Variants in FRMPD4 observed in about 807,000 individuals in gnomAD.
The protein encoded by FRMPD4 is FERM and PDZ domain containing 4, also known as FERM and PDZ domain-containing protein 4.
In FRMPD4, 22 loss-of-function variants were observed where a neutral mutation model predicts 94.1. That is an observed-to-expected ratio of 0.23 (90% CI 0.17 to 0.33). The LOEUF (loss-of-function observed/expected upper bound fraction) is 0.33. FRMPD4 is among the 10% of genes least tolerant of loss of function. The pLI is 1.00. For missense variants in FRMPD4, 1,111 were observed against 1,339.9 expected (o/e 0.83, Z 2.67); for synonymous variants, 631 against 548.6 (o/e 1.15, Z -2.10).
chrX:12,169,955 G>A (rs1341241425), intron 1 of FRMPD4, among the ~76,000 whole-genome samples: 1 of 111,940 alleles, frequency 8.9e-6, no homozygotes, highest in Non-Finnish European at 1.9e-5. Context: ...TTGGCCTGCA[G>A]GCCAATTTGT....
chrX:12,035,744 C>T (rs1174292452), intron 3 of FRMPD4, among the ~76,000 whole-genome samples: 1 of 111,258 alleles, frequency 9.0e-6, no homozygotes, highest in African/African-American at 3.3e-5. Flanking sequence ...CAACAGAGAT[C>T]ATGGGCCCAA....
chrX:11,965,382 A>C (rs896037663), intron 3 of FRMPD4, among the ~76,000 whole-genome samples: 3 of 112,470 alleles, frequency 2.7e-5, no homozygotes, highest in Non-Finnish European at 5.6e-5. Flanking sequence ...TTATTCCCCT[A>C]GAAAGGATTC....
intron 2 of FRMPD4, among the ~76,000 whole-genome samples, chrX:12,553,434 CTATATATATATATATATA>C (rs3066486): frequency 2.5e-4 from 10 of 39,661 alleles, no homozygotes; most frequent in South Asian, 1.6e-3. Flanking sequence ...ATCCATATGC[CTATATATATATATATATA>C]TATATATATA....
intron 1 of FRMPD4, among the ~76,000 whole-genome samples, chrX:12,271,617 C>T (rs892797910): frequency 9.8e-5 from 11 of 112,111 alleles, no homozygotes; most frequent in African/African-American, 1.6e-4. Context: ...ACCTGTGCCA[C>T]GTGAGCTAAA....
intron 3 of FRMPD4, among the ~76,000 whole-genome samples, chrX:12,069,645 A>T (rs752239300): frequency 1.8e-5 from 2 of 111,799 alleles, no homozygotes; most frequent in East Asian, 5.6e-4. Flanking sequence ...AACTCAATCC[A>T]GGAAGCTTGA....
intron 1 of FRMPD4, among the ~76,000 whole-genome samples, chrX:12,388,844 TATATATAC>T (rs1408752534): frequency 2.9e-4 from 25 of 85,621 alleles, no homozygotes; most frequent in African/African-American, 1.1e-3. Context: ...TATATATATA[TATATATAC>T]ACACAATGGA....
chrX:11,877,359 A>G (rs1324273473), intron 2 of FRMPD4, among the ~76,000 whole-genome samples: 1 of 111,950 alleles, frequency 8.9e-6, no homozygotes, highest in Non-Finnish European at 1.9e-5. Flanking sequence ...CAGAGCGCCA[A>G]ATATCCCATC....
At chrX:11,886,465 C>G (rs1167946282) in intron 3 of FRMPD4, among the ~76,000 whole-genome samples, 1 of 111,321 alleles carries the variant, frequency 9.0e-6, no homozygotes, top group Non-Finnish European at 1.9e-5. Context: ...TCAATATGTA[C>G]CTGAAGGACC....
chrX:12,700,052 C>G (rs2060173624), intron 9 of FRMPD4, among the ~76,000 whole-genome samples: 1 of 111,477 alleles, frequency 9.0e-6, no homozygotes, highest in Non-Finnish European at 1.9e-5. Context: ...AGTCTTTACA[C>G]AGGGCAGAGG....
At chrX:12,079,768 T>G (rs963091474) in intron 3 of FRMPD4, among the ~76,000 whole-genome samples, 1 of 112,421 alleles carries the variant, frequency 8.9e-6, no homozygotes, top group African/African-American at 3.2e-5. Context: ...TCTGCAGTCT[T>G]AGACCTACCT....
intron 1 of FRMPD4, among the ~76,000 whole-genome samples, chrX:12,420,681 G>A (rs188370675): frequency 4.8e-4 from 54 of 112,136 alleles, no homozygotes; most frequent in Admixed American, 4.6e-3. Flanking sequence ...AACACCGGTC[G>A]TTGATATTCA....
In FRMPD4 at chrX:12,716,196, G is replaced by C. The variant is rs1379976223; in HGVS notation, c.1737G>C (p.Thr579=). The change falls in exon 15 of 17, where the codon ACG becomes ACC. Residue 579 remains threonine, a synonymous_variant. Coordinates refer to ENST00000675598, the MANE Select transcript of FRMPD4 (RefSeq NM_001368397.1). ...CATACATAGATTCAAAGCAGAAGAC[G>C]GTGGAGATCACAGACAGCACCATGT... ...QITYIDSKQK[T]VEITDSTMCP... 8.3e-7 allele frequency: 1 copy of C among 1,205,384 alleles called. No homozygotes were observed. The highest frequency in any genetic ancestry group is 1.8e-5 in the African/African-American group (1 of 56,850).
chrX:11,995,900 G>A (rs994314959), intron 3 of FRMPD4, among the ~76,000 whole-genome samples: 5 of 112,116 alleles, frequency 4.5e-5, no homozygotes, highest in African/African-American at 1.3e-4. Context: ...CTTTATGTGC[G>A]TTAGGACGTG....
intron 3 of FRMPD4, among the ~76,000 whole-genome samples, chrX:11,969,825 C>T (rs2054330798): frequency 2.7e-5 from 3 of 111,789 alleles, no homozygotes; most frequent in African/African-American, 9.7e-5. Context: ...ATAATCGTTT[C>T]GTAGACTATT....
chrX:12,561,096 A>G (rs1004382485), intron 2 of FRMPD4, among the ~76,000 whole-genome samples: 3 of 111,303 alleles, frequency 2.7e-5, no homozygotes, highest in African/African-American at 9.8e-5. Flanking sequence ...AGCTCTACCA[A>G]TAATTTCTAG....
intron 1 of FRMPD4, among the ~76,000 whole-genome samples, chrX:12,212,053 G>C (rs1329412218): frequency 9.0e-6 from 1 of 111,425 alleles, no homozygotes; most frequent in Non-Finnish European, 1.9e-5. Flanking sequence ...GAAACTTCCA[G>C]TTCCTCCCCA....
chrX:12,280,263 A>C (rs1259919093), intron 1 of FRMPD4, among the ~76,000 whole-genome samples: 1 of 108,292 alleles, frequency 9.2e-6, no homozygotes. Flanking sequence ...TAATAATAAT[A>C]ATAATAATAA....
chrX:12,674,071 G>T (rs1258319443), intron 4 of FRMPD4, among the ~76,000 whole-genome samples: 3 of 112,300 alleles, frequency 2.7e-5, no homozygotes, highest in Non-Finnish European at 5.6e-5. Context: ...TCCTAGTCAT[G>T]ATTTAAAAAA....
intron 3 of FRMPD4, among the ~76,000 whole-genome samples, chrX:11,916,758 G>T (rs1302040907): frequency 9.0e-6 from 1 of 111,617 alleles, no homozygotes; most frequent in Non-Finnish European, 1.9e-5. Flanking sequence ...ATAAGGAGGG[G>T]ACTGGGCAGT....
Sources: gnomAD v4.1 joint callset for allele counts (sites outside exome capture counted in the v4.1 genomes callset) on GRCh38, gnomAD v4.1.1 for gene constraint, MANE v1.5 for transcripts, NCBI Gene and HGNC (gene_info 2026-07-23, HGNC 2026-07-21) for gene names.